The following TSPAN12 variants were observed in gnomAD, a reference collection of about 807,000 sequenced individuals.
TSPAN12 encodes the protein tetraspanin-12.
TSPAN12 carries 19 observed loss-of-function variants against 39.2 expected under a neutral mutation model. The ratio of observed to expected loss-of-function variants is 0.49; its 90% CI spans 0.34 to 0.71. TSPAN12 has a LOEUF of 0.71. Among genes scored for constraint, TSPAN12 ranks in the 30% least tolerant of loss-of-function variants. The probability of loss-of-function intolerance (pLI) is 0.01; values close to 1 mark genes in which losing one functional copy is unlikely to be tolerated. For synonymous variants in TSPAN12, 119 were observed against 124.8 expected, an observed-to-expected ratio of 0.95 and a Z score of 0.31; for missense variants, 314 against 359.9, an observed-to-expected ratio of 0.87 and a Z score of 1.03.
At chr7:120,837,228 C>A (rs551791512) in intron 4 of TSPAN12, among the ~76,000 whole-genome samples, 27 of 152,280 alleles carry the variant, frequency 1.8e-4, no homozygotes, top group Admixed American at 1.8e-3. Context: ...CACCATTCTC[C>A]CTTTCACTAT....
At chr7:120,850,138 G>A (rs1185662907) in intron 2 of TSPAN12, among the ~76,000 whole-genome samples, 1 of 152,238 alleles carries the variant, frequency 6.6e-6, no homozygotes, top group African/African-American at 2.4e-5. Flanking sequence ...ACAGTCTGGA[G>A]ATTACTGGTG....
chr7:120,835,361 A>G (rs1226915106), intron 4 of TSPAN12, among the ~76,000 whole-genome samples: 1 of 152,156 alleles, frequency 6.6e-6, no homozygotes, highest in Non-Finnish European at 1.5e-5. Flanking sequence ...ATAATTACCT[A>G]TCTCAGATAA....
chr7:120,803,178 A>G (rs928013196), intron 7 of TSPAN12, among the ~76,000 whole-genome samples: 1 of 152,154 alleles, frequency 6.6e-6, no homozygotes, highest in African/African-American at 2.4e-5. Flanking sequence ...TCACAATTGG[A>G]TGGATTTTGA....
At position 120,839,899 on chromosome 7, in the gene TSPAN12, A is replaced by T. The variant is rs1794545721; in HGVS notation, c.149+128T>A. On this transcript the variant is annotated intron_variant, in intron 3 of 7. Coordinates refer to ENST00000222747, the MANE Select transcript of TSPAN12 (RefSeq NM_012338.4). ...ATTCTGGAGGATGCAAGTGTCTGTG[A>T]CAAAGGTTGCTATGGGCAGGAAAAA... 10 of 728,984 alleles carry T rather than the reference A, an allele frequency of 1.4e-5. No homozygotes were observed. In the South Asian group the frequency reaches 1.6e-4, roughly 11 times the overall value. 45.2% of individuals were successfully genotyped at this position (728,984 alleles called of 1,614,324 possible).
At chr7:120,802,873 G>A (rs1294835988) in intron 7 of TSPAN12, among the ~76,000 whole-genome samples, 1 of 152,116 alleles carries the variant, frequency 6.6e-6, no homozygotes, top group Admixed American at 6.5e-5. Context: ...ATTTTTCACA[G>A]GTTTCCAAAT....
intron 7 of TSPAN12, among the ~76,000 whole-genome samples, chr7:120,789,652 A>C (rs1467326557): frequency 6.6e-6 from 1 of 152,218 alleles, no homozygotes. Flanking sequence ...ACAGTGATAC[A>C]GGAGATAGAA....
intron 7 of TSPAN12, among the ~76,000 whole-genome samples, chr7:120,801,442 A>G (rs1297034559): frequency 6.6e-6 from 1 of 152,268 alleles, no homozygotes; most frequent in African/African-American, 2.4e-5. Context: ...TGGAACACAG[A>G]AAGTCTGAGG....
intron 7 of TSPAN12, among the ~76,000 whole-genome samples, chr7:120,789,874 C>A (rs966744769): frequency 1.3e-5 from 2 of 152,020 alleles, no homozygotes; most frequent in Admixed American, 1.3e-4. Context: ...GAGGGTCCAT[C>A]GTCCCTTGTC....
intron 6 of TSPAN12, 48 bp downstream of exon 6, chr7:120,810,415 G>T: frequency 8.6e-7 from 1 of 1,160,000 alleles, no homozygotes; most frequent in Non-Finnish European, 1.3e-6. Context: ...TGGTTTGAAG[G>T]TGCACCACTT....
At chr7:120,832,795 G>A (rs1267303047) in intron 4 of TSPAN12, among the ~76,000 whole-genome samples, 1 of 152,080 alleles carries the variant, frequency 6.6e-6, no homozygotes, top group African/African-American at 2.4e-5. Flanking sequence ...GAAACTGCTT[G>A]ATTCTTTGAC....
intron 5 of TSPAN12, among the ~76,000 whole-genome samples, chr7:120,811,322 T>C (rs1260225237): frequency 2.6e-5 from 4 of 152,102 alleles, no homozygotes; most frequent in African/African-American, 7.2e-5. Flanking sequence ...CATTTCGCAA[T>C]TGTAAAAATG....
intron 2 of TSPAN12, among the ~76,000 whole-genome samples, chr7:120,846,727 C>T (rs964266848): frequency 6.6e-6 from 1 of 152,146 alleles, no homozygotes; most frequent in African/African-American, 2.4e-5. Context: ...GTGAAGAGGA[C>T]ACAGGTTAAT....
chr7:120,799,537 T>TATATAATTATATATATAATTAA (rs1793706083), intron 7 of TSPAN12, among the ~76,000 whole-genome samples: 2 of 107,848 alleles, frequency 1.9e-5, no homozygotes, highest in Non-Finnish European at 3.5e-5. Context: ...TATATAATTA[T>TATATAATTATATATATAATTAA]ATATAATTAT....
chr7:120,835,975 C>T (rs1313861782), intron 4 of TSPAN12, among the ~76,000 whole-genome samples: 1 of 152,140 alleles, frequency 6.6e-6, no homozygotes, highest in African/African-American at 2.4e-5. Context: ...CAGATCAAGT[C>T]TCCATTGTAG....
intron 2 of TSPAN12, among the ~76,000 whole-genome samples, chr7:120,855,504 T>C (rs529174950): frequency 5.2e-4 from 79 of 152,350 alleles, no homozygotes; most frequent in Middle Eastern, 3.4e-3. Context: ...GGTAATTTAA[T>C]GATTCACTTA....
intron 7 of TSPAN12, among the ~76,000 whole-genome samples, chr7:120,796,625 CT>C (rs1489063109): frequency 6.6e-6 from 1 of 152,188 alleles, no homozygotes; most frequent in Non-Finnish European, 1.5e-5. Flanking sequence ...TCAGCTTGCT[CT>C]TTACCATGTA....
intron 4 of TSPAN12, among the ~76,000 whole-genome samples, chr7:120,836,192 C>T (rs1379884788): frequency 6.6e-6 from 1 of 152,092 alleles, no homozygotes; most frequent in Non-Finnish European, 1.5e-5. Context: ...GGGAGGAAGC[C>T]AGAGAGGAGA....
At chr7:120,805,537 GC>G (rs1793855039) in intron 7 of TSPAN12, among the ~76,000 whole-genome samples, 1 of 152,070 alleles carries the variant, frequency 6.6e-6, no homozygotes, top group Admixed American at 6.6e-5. Flanking sequence ...AATAGTGTGA[GC>G]AGTGCCTTGT....
intron 4 of TSPAN12, among the ~76,000 whole-genome samples, chr7:120,835,151 TG>T (rs1478742064): frequency 7.9e-5 from 12 of 152,202 alleles, no homozygotes; most frequent in African/African-American, 2.9e-4. Context: ...TAGTCTGGGC[TG>T]ATTATTAAAA....
Sources: gnomAD v4.1 joint callset for allele counts (sites outside exome capture counted in the v4.1 genomes callset) on GRCh38, gnomAD v4.1.1 for gene constraint, MANE v1.5 for transcripts, NCBI Gene and HGNC (gene_info 2026-07-23, HGNC 2026-07-21) for gene names.